Variants in USP37 observed in about 807,000 individuals in gnomAD.
USP37 encodes the protein ubiquitin carboxyl-terminal hydrolase 37.
A neutral mutation model predicts 124.0 loss-of-function variants in USP37; 27 were observed. The observed-to-expected ratio is 0.22, with a 90% CI of 0.16 to 0.30. The LOEUF (loss-of-function observed/expected upper bound fraction) is 0.30, where lower values mean the gene tolerates loss of function less well. Ranked by LOEUF, USP37 falls within the 10% of genes least tolerant of loss-of-function variation. The probability of loss-of-function intolerance (pLI) is 1.00; values close to 1 mark genes in which losing one functional copy is unlikely to be tolerated. For synonymous variants in USP37, 365 were observed against 388.0 expected, an observed-to-expected ratio of 0.94 and a Z score of 0.70; for missense variants, 889 against 1,140.4, an observed-to-expected ratio of 0.78 and a Z score of 3.17.
At chr2:218,520,262 AT>A (rs1179320242) in intron 10 of USP37, among the ~76,000 whole-genome samples, 2 of 150,144 alleles carry the variant, frequency 1.3e-5, no homozygotes, top group African/African-American at 2.4e-5. Flanking sequence ...TTTAATTTTT[AT>A]ATTTGTTAAT....
At chr2:218,567,876 G>A (rs989283013) in intron 1 of USP37, among the ~76,000 whole-genome samples, 1 of 152,226 alleles carries the variant, frequency 6.6e-6, no homozygotes, top group Non-Finnish European at 1.5e-5. Flanking sequence ...GTCACCTGAA[G>A]AGACAGCAGG....
intron 6 of USP37, among the ~76,000 whole-genome samples, chr2:218,548,145 T>G (rs1157300941): frequency 6.6e-6 from 1 of 152,162 alleles, no homozygotes; most frequent in East Asian, 1.9e-4. Flanking sequence ...CACAGACCAA[T>G]GATAAGTCTC....
intron 20 of USP37, among the ~76,000 whole-genome samples, chr2:218,471,118 C>T (rs1262961335): frequency 6.6e-6 from 1 of 152,168 alleles, no homozygotes; most frequent in African/African-American, 2.4e-5. Context: ...GTCCACGGAA[C>T]ACAGTTTTGT....
At chr2:218,483,692 G>A (rs1382732965) in intron 16 of USP37, among the ~76,000 whole-genome samples, 1 of 151,880 alleles carries the variant, frequency 6.6e-6, no homozygotes, top group East Asian at 1.9e-4. Flanking sequence ...CAAGAGAATG[G>A]GAAAGAGAAA....
At chr2:218,537,510 G>A (rs1574940828) in intron 8 of USP37, among the ~76,000 whole-genome samples, 1 of 152,198 alleles carries the variant, frequency 6.6e-6, no homozygotes, top group South Asian at 2.1e-4. Context: ...TTAGAATCCA[G>A]GTACTATGAG....
At chr2:218,472,181 C>CA (rs1454960844) in intron 20 of USP37, among the ~76,000 whole-genome samples, 1 of 152,044 alleles carries the variant, frequency 6.6e-6, no homozygotes, top group Non-Finnish European at 1.5e-5. Flanking sequence ...CCCAAAAGCA[C>CA]AAAAGGGGAA....
intron 11 of USP37, among the ~76,000 whole-genome samples, 191 bp downstream of exon 11, chr2:218,509,788 G>T (rs1689876566): frequency 6.6e-6 from 1 of 152,054 alleles, no homozygotes; most frequent in Admixed American, 6.6e-5. Flanking sequence ...ATATTCCAAA[G>T]TTCTAAAATT....
chr2:218,508,663 T>A (rs990098820), intron 11 of USP37, among the ~76,000 whole-genome samples: 1 of 152,012 alleles, frequency 6.6e-6, no homozygotes, highest in Admixed American at 6.6e-5. Context: ...ATAACTGAGG[T>A]TGAACAATTA....
intron 9 of USP37, 89 bp downstream of exon 9, chr2:218,534,520 A>G (rs1278675419): frequency 3.2e-6 from 2 of 631,940 alleles, no homozygotes; most frequent in South Asian, 1.0e-4. Flanking sequence ...AAAAATAAAA[A>G]GAATGTACAG....
intron 13 of USP37, among the ~76,000 whole-genome samples, chr2:218,497,278 G>A (rs1689132822): frequency 6.7e-6 from 1 of 150,282 alleles, no homozygotes; most frequent in African/African-American, 2.4e-5. Flanking sequence ...TCACCATGTT[G>A]GCCAGGCTGG....
intron 19 of USP37, among the ~76,000 whole-genome samples, chr2:218,475,909 G>C (rs1020365395): frequency 4.1e-5 from 6 of 145,180 alleles, no homozygotes; most frequent in African/African-American, 1.3e-4. Flanking sequence ...CTGGGCAACA[G>C]AGTGAGACTC....
intron 20 of USP37, among the ~76,000 whole-genome samples, chr2:218,471,221 C>A (rs10200507): frequency 0.3 from 45,602 of 151,974 alleles, 7,905 homozygotes; most frequent in Non-Finnish European, 0.39. Context: ...GCTACTGCGA[C>A]AGAAGAAAAG....
At chr2:218,539,794 G>A (rs1178529531) in intron 8 of USP37, among the ~76,000 whole-genome samples, 3 of 151,848 alleles carry the variant, frequency 2.0e-5, no homozygotes, top group African/African-American at 4.8e-5. Flanking sequence ...GGCGGATCAC[G>A]ATGTCAGGAG....
chr2:218,547,461 C>A (rs60460299), intron 6 of USP37, among the ~76,000 whole-genome samples: 2 of 151,502 alleles, frequency 1.3e-5, no homozygotes, highest in African/African-American at 4.9e-5. Context: ...CCAGGTGATT[C>A]TAATGTACAG....
At chr2:218,500,079 G>A (rs1023898519) in intron 11 of USP37, among the ~76,000 whole-genome samples, 9 of 150,200 alleles carry the variant, frequency 6.0e-5, no homozygotes, top group African/African-American at 2.0e-4. Context: ...TGTTTTTTTC[G>A]TTTTTTCTTT....
intron 10 of USP37, among the ~76,000 whole-genome samples, chr2:218,529,146 A>C (rs1357297721): frequency 6.6e-6 from 1 of 152,110 alleles, no homozygotes; most frequent in African/African-American, 2.4e-5. Context: ...GCACCTCCCA[A>C]CTCAGCCTCC....
At chr2:218,547,963 G>A (rs1241321922) in intron 6 of USP37, among the ~76,000 whole-genome samples, 2 of 152,176 alleles carry the variant, frequency 1.3e-5, no homozygotes, top group African/African-American at 2.4e-5. Flanking sequence ...AGAGCTATGC[G>A]ATTTTTCTAT....
intron 4 of USP37, among the ~76,000 whole-genome samples, chr2:218,554,423 G>A (rs1356881160): frequency 6.6e-6 from 1 of 152,124 alleles, no homozygotes; most frequent in Admixed American, 6.5e-5. Context: ...AACCTTGGAC[G>A]GTTACATTAT....
chr2:218,475,240 T>C (rs182176834), intron 19 of USP37, among the ~76,000 whole-genome samples: 22 of 152,332 alleles, frequency 1.4e-4, no homozygotes, highest in Admixed American at 1.2e-3. Context: ...ACAGTAAATA[T>C]TCTATCATTA....
Sources: gnomAD v4.1 joint callset for allele counts (sites outside exome capture counted in the v4.1 genomes callset) on GRCh38, gnomAD v4.1.1 for gene constraint, MANE v1.5 for transcripts, NCBI Gene and HGNC (gene_info 2026-07-23, HGNC 2026-07-21) for gene names.